ZFAT: variants seen among roughly 807,000 people sequenced by gnomAD.
ZFAT encodes the protein zinc finger protein ZFAT.
Under a neutral mutation model 117.7 loss-of-function variants are expected in ZFAT, and 64 were observed. The ratio of observed to expected loss-of-function variants is 0.54; its 90% confidence interval spans 0.44 to 0.67. The LOEUF (loss-of-function observed/expected upper bound fraction) is 0.67. Among genes scored for constraint, ZFAT ranks in the 30% least tolerant of loss-of-function variants. The pLI is 0.00. For missense variants in ZFAT, 1,433 were observed against 1,584.5 expected (o/e 0.90, Z 1.62); for synonymous variants, 679 against 615.0 (o/e 1.10, Z -1.54).
In ZFAT at chr8:134,541,722, C is replaced by T. The variant is rs1563827140; in HGVS notation, c.2977-8750G>A. The stretch of plus-strand genomic sequence containing the variant: ...GAATGACAATCGCAGGATCAATCAA[C>T]CATGATCCACTGAAAGATAAGAAAA... On this transcript the variant is annotated intron_variant, in intron 11 of 15. Coordinates refer to ENST00000377838, the MANE Select transcript of ZFAT (RefSeq NM_020863.4). Among the ~76,000 whole-genome samples the T allele has an allele frequency of 2.6e-5, 4 of 152,310 alleles. No homozygotes were observed. In the South Asian group the frequency reaches 6.2e-4, roughly 24 times the overall value.
At chr8:134,625,994 C>A (rs1032131041) in intron 3 of ZFAT, among the ~76,000 whole-genome samples, 2 of 152,204 alleles carry the variant, frequency 1.3e-5, no homozygotes, top group Non-Finnish European at 2.9e-5. Flanking sequence ...CACCAGCCTA[C>A]CACATAGTCC....
At chr8:134,641,872 G>C (rs1830606450) in intron 2 of ZFAT, among the ~76,000 whole-genome samples, 1 of 152,226 alleles carries the variant, frequency 6.6e-6, no homozygotes. Flanking sequence ...CATCCTTGCA[G>C]ATCCAAGGCC....
chr8:134,520,619 A>C (rs1212316067), intron 13 of ZFAT, among the ~76,000 whole-genome samples: 1 of 152,196 alleles, frequency 6.6e-6, no homozygotes, highest in Non-Finnish European at 1.5e-5. Context: ...TGAATAACAT[A>C]AGTAAAAGTG....
chr8:134,481,482 G>T (rs1019760182), intron 15 of ZFAT, among the ~76,000 whole-genome samples: 1 of 152,166 alleles, frequency 6.6e-6, no homozygotes, highest in African/African-American at 2.4e-5. Flanking sequence ...CCCTAAAGAG[G>T]ACAGTGACTC....
At chr8:134,753,413 T>C in the ZFAT span, among the ~76,000 whole-genome samples, 14 of 152,190 alleles carry the variant, frequency 9.2e-5, no homozygotes, top group Admixed American at 6.5e-4. Flanking sequence ...ACTAGGATCA[T>C]GAGGAAACAG....
the ZFAT span, among the ~76,000 whole-genome samples, chr8:134,735,654 C>A: frequency 6.6e-6 from 1 of 152,054 alleles, no homozygotes; most frequent in Non-Finnish European, 1.5e-5. Flanking sequence ...GCTGAGAAAC[C>A]AGTGCAACCT....
At chr8:134,815,203 C>A in the ZFAT span, among the ~76,000 whole-genome samples, 1 of 152,304 alleles carries the variant, frequency 6.6e-6, no homozygotes, top group Admixed American at 6.5e-5. Context: ...TCAATTGCCA[C>A]ATGGACTCAT....
At chr8:134,753,025 C>G in the ZFAT span, among the ~76,000 whole-genome samples, 1 of 152,224 alleles carries the variant, frequency 6.6e-6, no homozygotes, top group South Asian at 2.1e-4. Context: ...TCCAGTAGAG[C>G]ACCTATGGTA....
chr8:134,763,335 T>G, the ZFAT span, among the ~76,000 whole-genome samples: 1 of 152,236 alleles, frequency 6.6e-6, no homozygotes, highest in Non-Finnish European at 1.5e-5. Context: ...ATGTTCTTCT[T>G]GGAACAAGAC....
intron 11 of ZFAT, among the ~76,000 whole-genome samples, chr8:134,540,128 A>G (rs980675648): frequency 3.9e-5 from 6 of 152,212 alleles, no homozygotes; most frequent in African/African-American, 9.6e-5. Flanking sequence ...AAGACTGAAC[A>G]CAGCCATAGA....
At chr8:134,599,754 T>C (rs1827262592) in intron 7 of ZFAT, 1 of 455,978 alleles carries the variant, frequency 2.2e-6, no homozygotes, top group African/African-American at 2.0e-5. Context: ...GCTTCCTTTA[T>C]AACTTGAAGA....
the ZFAT span, among the ~76,000 whole-genome samples, chr8:134,750,588 G>A: frequency 6.6e-6 from 1 of 152,000 alleles, no homozygotes; most frequent in African/African-American, 2.4e-5. Context: ...ATATATTTAT[G>A]ATCTAAAATA....
At chr8:134,741,047 A>G in the ZFAT span, among the ~76,000 whole-genome samples, 793 of 152,270 alleles carry the variant, frequency 5.2e-3, 3 homozygotes, top group African/African-American at 0.018. Flanking sequence ...AGTGCTCAAG[A>G]AAGTTCTGAA....
intron 3 of ZFAT, among the ~76,000 whole-genome samples, chr8:134,611,313 G>A (rs1586814525): frequency 6.6e-6 from 1 of 152,240 alleles, no homozygotes; most frequent in East Asian, 1.9e-4. Context: ...ACAGGCAAGG[G>A]GTATAGGGCA....
At chr8:134,520,548 C>T (rs1467151312) in intron 13 of ZFAT, among the ~76,000 whole-genome samples, 2 of 151,868 alleles carry the variant, frequency 1.3e-5, no homozygotes, top group Admixed American at 1.3e-4. Flanking sequence ...GTGAGGATGG[C>T]AATACAATAG....
the ZFAT span, among the ~76,000 whole-genome samples, chr8:134,832,254 T>C: frequency 6.6e-6 from 1 of 151,646 alleles, no homozygotes; most frequent in Admixed American, 6.6e-5. Flanking sequence ...CCCTCCGGTC[T>C]CTCTGCTCCC....
At chr8:134,573,005 G>T (rs918675843) in intron 10 of ZFAT, among the ~76,000 whole-genome samples, 15 of 152,188 alleles carry the variant, frequency 9.9e-5, no homozygotes, top group Admixed American at 2.6e-4. Context: ...AACACATATT[G>T]TATGAATCAA....
intron 10 of ZFAT, among the ~76,000 whole-genome samples, chr8:134,578,697 G>A (rs926524624): frequency 2.6e-5 from 4 of 152,178 alleles, no homozygotes; most frequent in African/African-American, 7.2e-5. Flanking sequence ...CAAGAATGGA[G>A]GCAGGAGATG....
At chr8:134,778,017 G>A in the ZFAT span, among the ~76,000 whole-genome samples, 1 of 152,092 alleles carries the variant, frequency 6.6e-6, no homozygotes, top group African/African-American at 2.4e-5. Context: ...AAGTATCACT[G>A]GCCTTCTTCC....
Sources: gnomAD v4.1 joint callset for allele counts (sites outside exome capture counted in the v4.1 genomes callset) on GRCh38, gnomAD v4.1.1 for gene constraint, MANE v1.5 for transcripts, NCBI Gene and HGNC (gene_info 2026-07-23, HGNC 2026-07-21) for gene names.